Variants in CDC42BPB observed in about 807,000 individuals in gnomAD.
CDC42BPB encodes the protein serine/threonine-protein kinase MRCK beta.
In CDC42BPB, 37 loss-of-function variants were observed where a neutral mutation model predicts 214.9. The ratio of observed to expected loss-of-function variants is 0.17; its 90% CI spans 0.13 to 0.23. The LOEUF (loss-of-function observed/expected upper bound fraction) is 0.23. Among genes scored for constraint, CDC42BPB ranks in the 10% least tolerant of loss-of-function variants. The probability of loss-of-function intolerance (pLI) is 1.00; values close to 1 mark genes in which losing one functional copy is unlikely to be tolerated. For missense variants in CDC42BPB, 1,694 were observed against 2,227.0 expected (o/e 0.76, Z 4.82); for synonymous variants, 931 against 884.0 (o/e 1.05, Z -0.94).
intron 6 of CDC42BPB, chr14:102,983,999 G>T: frequency 2.3e-6 from 1 of 435,866 alleles, no homozygotes; most frequent in Non-Finnish European, 3.1e-6. Context: ...AGGCCAACAC[G>T]GGCAACATGG....
chr14:102,933,743 T>C lies in CDC42BPB; in HGVS notation c.5105A>G (p.Glu1702Gly). 6.7e-7 allele frequency: 1 copy of C among 1,491,188 alleles called. No homozygotes were observed. The highest frequency in any genetic ancestry group is 8.8e-7 in the Non-Finnish European group (1 of 1,135,922). 92.4% of individuals were successfully genotyped at this position (1,491,188 alleles called of 1,614,324 possible). A position where few individuals can be genotyped will look rare whatever the true frequency, so the allele number is the denominator to read the frequency against. ...GTCACAGGCCGGCTGCTCCAGGCCT[T>C]CGAGGGGGAGCTGGCTCCTGTGGGG... Reference protein sequence around the residue: ...NSPHRSQLPLEGLEQPACDT With the variant: ...NSPHRSQLPLGGLEQPACDT The change falls in exon 37 of 37, where the codon GAA (glutamate) becomes GGA (glycine). Residue 1702 changes from glutamate (E) to glycine (G), a missense_variant. Physicochemically the swap from Glu to Gly is moderately conservative, Grantham distance 98. Coordinates refer to ENST00000361246, the MANE Select transcript of CDC42BPB (RefSeq NM_006035.4).
At chr14:102,964,881 G>C in intron 18 of CDC42BPB, 3 of 564,946 alleles carry the variant, frequency 5.3e-6, no homozygotes, top group Non-Finnish European at 4.5e-6. Flanking sequence ...TTATCTTTTA[G>C]AAGAATAAAA....
In CDC42BPB at chr14:103,038,721, G is replaced by A. The variant is rs111303713; in HGVS notation, c.175+18278C>T. The stretch of plus-strand genomic sequence containing the variant: ...TTTCTATTTTTTGTAGAGACGGGGG[G>A]GGGGGGCGGGTCTCATTATGTTGCC... On this transcript the variant is annotated intron_variant, in intron 1 of 36. Coordinates refer to ENST00000361246, the MANE Select transcript of CDC42BPB (RefSeq NM_006035.4). 4.1e-4 allele frequency among the ~76,000 whole-genome samples: 45 copies of A among 109,834 alleles called. 3 individuals are homozygous for A. The highest frequency in any genetic ancestry group is 1.3e-3 in the African/African-American group (35 of 27,184). 72.1% of individuals were successfully genotyped at this position (109,834 alleles called of 152,430 possible). A position where few individuals can be genotyped will look rare whatever the true frequency, so the allele number is the denominator to read the frequency against.
chr14:102,959,860 A>G (rs555375733), intron 20 of CDC42BPB, 150 bp from the exon 21 acceptor site: 181 of 1,145,418 alleles, frequency 1.6e-4, no homozygotes, highest in African/African-American at 1.0e-3. Context: ...AAAAAAAAAA[A>G]GGGGTCAGGC....
chr14:103,024,423 T>C (rs1450029614), intron 1 of CDC42BPB, among the ~76,000 whole-genome samples: 1 of 152,204 alleles, frequency 6.6e-6, no homozygotes, highest in African/African-American at 2.4e-5. Flanking sequence ...AAATGCTTCC[T>C]ACCCCGCATT....
chr14:102,940,373 C>G, intron 30 of CDC42BPB, 49 bp from the exon 31 acceptor site: 2 of 1,549,058 alleles, frequency 1.3e-6, no homozygotes, highest in Non-Finnish European at 1.7e-6. Context: ...CTCAGGAACT[C>G]ACCTGCCCTC....
intron 25 of CDC42BPB, among the ~76,000 whole-genome samples, 169 bp downstream of exon 25, chr14:102,950,297 C>T (rs530124871): frequency 1.6e-4 from 25 of 152,238 alleles, no homozygotes; most frequent in Non-Finnish European, 2.9e-4. Flanking sequence ...TTCAGAACAG[C>T]GGCTGCGCCG....
At chr14:102,978,270 G>A in intron 8 of CDC42BPB, 65 bp from the exon 9 acceptor site, 1 of 1,600,700 alleles carries the variant, frequency 6.2e-7, no homozygotes, top group South Asian at 1.1e-5. Flanking sequence ...AAAGAGGAAA[G>A]ATGGTTACAG....
At chr14:102,937,476 G>C (rs1891692041) in intron 36 of CDC42BPB, among the ~76,000 whole-genome samples, 1 of 152,372 alleles carries the variant, frequency 6.6e-6, no homozygotes, top group Middle Eastern at 3.4e-3. Flanking sequence ...GTGGTGGAGA[G>C]ATGAGCATGG....
At chr14:102,967,281 A>G (rs1893254960) in intron 16 of CDC42BPB, 111 bp from the exon 17 acceptor site, 4 of 1,435,428 alleles carry the variant, frequency 2.8e-6, no homozygotes, top group Non-Finnish European at 2.7e-6. Flanking sequence ...TTTAATCGTC[A>G]TGAGATTTTT....
intron 1 of CDC42BPB, among the ~76,000 whole-genome samples, chr14:103,051,748 G>A (rs1157474041): frequency 6.6e-6 from 1 of 152,232 alleles, no homozygotes; most frequent in African/African-American, 2.4e-5. Context: ...CCTGAAGTGA[G>A]AACTATTTCT....
At chr14:102,937,441 C>T (rs778533037) in intron 36 of CDC42BPB, among the ~76,000 whole-genome samples, 10 of 152,246 alleles carry the variant, frequency 6.6e-5, no homozygotes, top group Non-Finnish European at 1.3e-4. Flanking sequence ...GATGTTAAAA[C>T]ATCTCAGTGC....
chr14:102,983,933 T>C (rs1365318754), intron 6 of CDC42BPB, 177 bp from the exon 7 acceptor site: 1 of 979,988 alleles, frequency 1.0e-6, no homozygotes, highest in Non-Finnish European at 1.2e-6. Context: ...CTCGAGCCTG[T>C]AGCCTCAGCT....
At chr14:103,027,073 T>G (rs1184208107) in intron 1 of CDC42BPB, among the ~76,000 whole-genome samples, 1 of 152,200 alleles carries the variant, frequency 6.6e-6, no homozygotes. Flanking sequence ...ATGCCCAATA[T>G]GCACAGAAAA....
chr14:102,978,528 T>C (rs1336070761), intron 8 of CDC42BPB, among the ~76,000 whole-genome samples: 1 of 152,216 alleles, frequency 6.6e-6, no homozygotes, highest in Non-Finnish European at 1.5e-5. Flanking sequence ...AACACAACTG[T>C]GTGCAGAGTC....
rs770973266 is a variant in CDC42BPB, at chr14:102,954,706, G to GA, written c.2902-19dup. On this transcript the variant is annotated intron_variant, in intron 21 of 36. Transcript: ENST00000361246. ...GAGCTGGTCTGTGAGAACCAAGAAAGAAAGAGTGGGGTGAAAGGACATATT... is the reference window on the plus strand; with the variant it reads ...GAGCTGGTCTGTGAGAACCAAGAAAGAAAAGAGTGGGGTGAAAGGACATATT... 1.2e-4 allele frequency: 197 copies of GA among 1,608,926 alleles called. No homozygotes were observed. Among genetic ancestry groups the GA allele is most frequent in the Non-Finnish European group, 1.6e-4 (192 of 1,176,374 alleles).
intron 17 of CDC42BPB, 87 bp from the exon 18 acceptor site, chr14:102,966,474 G>A: frequency 6.4e-7 from 1 of 1,555,744 alleles, no homozygotes; most frequent in South Asian, 1.2e-5. Flanking sequence ...GCCTTCCTCG[G>A]CACACAGTGA....
At chr14:103,043,166 C>T (rs576023989) in intron 1 of CDC42BPB, among the ~76,000 whole-genome samples, 1 of 152,224 alleles carries the variant, frequency 6.6e-6, no homozygotes, top group South Asian at 2.1e-4. Context: ...ATCGCTTGAA[C>T]CCAAGAGATG....
At chr14:102,938,233 T>TG in intron 35 of CDC42BPB, 59 bp from the exon 36 acceptor site, 1 of 1,603,812 alleles carries the variant, frequency 6.2e-7, no homozygotes, top group South Asian at 1.1e-5. Flanking sequence ...ATCAAATGCC[T>TG]GGGGTCTCCC....
Sources: gnomAD v4.1 joint callset for allele counts (sites outside exome capture counted in the v4.1 genomes callset) on GRCh38, gnomAD v4.1.1 for gene constraint, MANE v1.5 for transcripts, NCBI Gene and HGNC (gene_info 2026-07-23, HGNC 2026-07-21) for gene names.